The following RYR1 variants were observed in gnomAD, a reference collection of about 807,000 sequenced individuals.
The protein encoded by RYR1 is central core disease of muscle.
Under a neutral mutation model 583.5 loss-of-function variants are expected in RYR1, and 342 were observed. That is an observed-to-expected ratio of 0.59 (90% confidence interval 0.54 to 0.64). The LOEUF is 0.64. Among genes scored for constraint, RYR1 ranks in the 30% least tolerant of loss-of-function variants. The pLI is 0.00. For synonymous variants in RYR1, 2,791 were observed against 2,822.5 expected (o/e 0.99, Z 0.35); for missense variants, 6,032 against 6,917.2 (o/e 0.87, Z 4.54).
chr19:38,485,221 C>T (rs527727178), intron 33 of RYR1, among the ~76,000 whole-genome samples: 1 of 152,238 alleles, frequency 6.6e-6, no homozygotes, highest in South Asian at 2.1e-4. Flanking sequence ...TACGAAGTCC[C>T]AGACCATCCC....
intron 38 of RYR1, among the ~76,000 whole-genome samples, chr19:38,493,055 C>T (rs181813646): frequency 3.3e-3 from 495 of 151,400 alleles, no homozygotes; most frequent in African/African-American, 0.012. Flanking sequence ...GGTGACAGAG[C>T]GAGACTCTGT....
At position 38,501,092 on chromosome 19, in the gene RYR1, T is replaced by C. The variant is rs757336231; in HGVS notation, c.7614+102T>C. ...GCAGCTGCTTTTGTTTTTCTTGGGATTGTGGACATATCATAATCCCCAATA... is the reference window on the plus strand; with the variant it reads ...GCAGCTGCTTTTGTTTTTCTTGGGACTGTGGACATATCATAATCCCCAATA... On this transcript the variant is annotated intron_variant, in intron 47 of 105. Coordinates refer to ENST00000359596, the MANE Select transcript of RYR1 (RefSeq NM_000540.3). The C allele has an allele frequency of 1.6e-5, 19 of 1,160,478 alleles. No individual in the cohort carries two copies. In the Admixed American group the frequency reaches 3.8e-4, roughly 23 times the overall value. The allele number at this position is 1,160,478 out of a possible 1,614,324, so 71.9% of individuals were successfully genotyped here.
chr19:38,492,840 G>A (rs190115272), intron 38 of RYR1, among the ~76,000 whole-genome samples: 28 of 152,172 alleles, frequency 1.8e-4, no homozygotes, highest in Non-Finnish European at 2.4e-4. Context: ...AGGCTGAGGC[G>A]GGTGGATCAC....
At chr19:38,549,204 C>G (rs1040298750) in intron 89 of RYR1, among the ~76,000 whole-genome samples, 2 of 152,158 alleles carry the variant, frequency 1.3e-5, no homozygotes, top group Admixed American at 1.3e-4. Context: ...CCCACTCCTC[C>G]TCCTCTAACC....
intron 27 of RYR1, among the ~76,000 whole-genome samples, 157 bp from the exon 28 acceptor site, chr19:38,473,220 G>A (rs924018424): frequency 6.6e-6 from 1 of 152,096 alleles, no homozygotes; most frequent in Non-Finnish European, 1.5e-5. Context: ...GTACCCGGCC[G>A]GGAGCTTCAT....
chr19:38,579,486 G>A (rs1974102636), intron 99 of RYR1, among the ~76,000 whole-genome samples: 3 of 150,960 alleles, frequency 2.0e-5, no homozygotes, highest in African/African-American at 4.9e-5. Flanking sequence ...TCAGCTACTT[G>A]GCAGGCTTAG....
intron 101 of RYR1, among the ~76,000 whole-genome samples, chr19:38,582,926 C>T (rs1281729771): frequency 1.3e-5 from 2 of 152,112 alleles, no homozygotes; most frequent in African/African-American, 2.4e-5. Context: ...TGCCCACAGC[C>T]TCGTTCTCAT....
In RYR1 at chr19:38,502,515, C is replaced by G; in HGVS notation, c.7623C>G (p.Phe2541Leu). 1 of 1,598,270 alleles carries G rather than the reference C, an allele frequency of 6.3e-7. No individual in the cohort carries two copies. Among genetic ancestry groups the G allele is most frequent in the South Asian group, 1.1e-5 (1 of 90,046 alleles). Residue 2541 changes from phenylalanine (F) to leucine (L), a missense_variant, in exon 48 of 106, where the codon TTC becomes TTG. Physicochemically the swap from Phe to Leu is conservative, Grantham distance 22. Coordinates refer to ENST00000359596, the MANE Select transcript of RYR1 (RefSeq NM_000540.3). ...RAAASLDTAT[F>L]STTEMALALN... ...CTCACCCTGCGCCCTAGGCCACTTT[C>G]AGCACCACCGAGATGGCGCTGGCGC...
chr19:38,503,290 C>T (rs967018066), intron 49 of RYR1, among the ~76,000 whole-genome samples: 2 of 152,164 alleles, frequency 1.3e-5, no homozygotes, highest in Non-Finnish European at 2.9e-5. Context: ...TATTTGCATG[C>T]CTGGACCACC....
intron 83 of RYR1, chr19:38,537,067 G>T: frequency 1.9e-6 from 1 of 525,426 alleles, no homozygotes; most frequent in Non-Finnish European, 3.4e-6. Context: ...TTTCCAGCTG[G>T]ATATTGTCGG....
Position 38,566,986 on chromosome 19 carries a change from G to T in RYR1, c.13513G>T (p.Asp4505Tyr), listed in dbSNP as rs150396398. 6.3e-7 allele frequency: 1 copy of T among 1,591,136 alleles called. No homozygotes were observed. The highest frequency in any genetic ancestry group is 1.1e-5 in the South Asian group (1 of 87,600). Residue 4505 changes from aspartate to tyrosine, a missense_variant and splice_region_variant, in exon 92 of 106, where the codon GAT becomes TAT. Coordinates refer to ENST00000359596, the MANE Select transcript of RYR1 (RefSeq NM_000540.3). ...PEPELEPEKA[D>Y]AENGEKEEVP... ...ACCAGAGCTGGAGCCGGAGAAAGCC[G>T]AGTGAGTGGCCTTGGGGCTGAGGGG...
intron 72 of RYR1, 95 bp from the exon 73 acceptor site, chr19:38,527,552 C>T (rs914729447): frequency 6.7e-7 from 1 of 1,492,888 alleles, no homozygotes; most frequent in African/African-American, 1.4e-5. Flanking sequence ...AACATGCACT[C>T]ACCCATTGAG....
Position 38,570,694 on chromosome 19 carries a change from G to C in RYR1, c.13746+1G>C. On this transcript the variant is annotated splice_donor_variant, in intron 94 of 105. Coordinates refer to ENST00000359596, the MANE Select transcript of RYR1 (RefSeq NM_000540.3). LOFTEE classifies it high-confidence loss of function. ...CAACTTCATCTTGCTGTTTTATAAGGTGCTGGTCCTGAAGGGCTGGGAGGG... is the reference window on the plus strand; with the variant it reads ...CAACTTCATCTTGCTGTTTTATAAGCTGCTGGTCCTGAAGGGCTGGGAGGG... 1 of 1,613,104 alleles carries C rather than the reference G, an allele frequency of 6.2e-7. No individual in the cohort carries two copies. The highest frequency in any genetic ancestry group is 8.5e-7 in the Non-Finnish European group (1 of 1,179,186).
chr19:38,533,120 G>A (rs1480945797), intron 78 of RYR1, among the ~76,000 whole-genome samples: 3 of 152,088 alleles, frequency 2.0e-5, no homozygotes, highest in Non-Finnish European at 4.4e-5. Context: ...GCAGGAAAAT[G>A]TATCAGGGAG....
At position 38,573,168 on chromosome 19, in the gene RYR1, A is replaced by G. The variant is rs1973800323; in HGVS notation, c.13999-9A>G. The stretch of plus-strand genomic sequence containing the variant: ...TGACGCCCACCTTTGGCCTCCTCCC[A>G]CTATCCAGGTGCCCCTGGTAATCTT... On this transcript the variant is annotated splice_polypyrimidine_tract_variant and intron_variant, in intron 95 of 105. Transcript: ENST00000359596. 1 of 1,613,448 alleles carries G rather than the reference A, an allele frequency of 6.2e-7. No homozygotes were observed. The highest frequency in any genetic ancestry group is 1.7e-4 in the Middle Eastern group (1 of 6,058).
intron 31 of RYR1, among the ~76,000 whole-genome samples, chr19:38,479,227 A>G (rs1968895117): frequency 6.6e-6 from 1 of 152,216 alleles, no homozygotes; most frequent in Admixed American, 6.5e-5. Flanking sequence ...TTTCAATCAT[A>G]CAGCAAAATT....
Position 38,566,752 on chromosome 19 carries a change from G to T in RYR1, c.13438-159G>T, listed in dbSNP as rs1472881943. ...CTCGATGAGCCTCAGTTTCCCCTCT[G>T]TAAAACGGGAATCATAATCTGCCTC... On this transcript the variant is annotated intron_variant, in intron 91 of 105. Coordinates refer to ENST00000359596, the MANE Select transcript of RYR1 (RefSeq NM_000540.3). Among the ~76,000 whole-genome samples the T allele has an allele frequency of 2.0e-5, 3 of 152,304 alleles. 1 individual carries two copies. The highest frequency in any genetic ancestry group is 7.2e-5 in the African/African-American group (3 of 41,564).
intron 12 of RYR1, among the ~76,000 whole-genome samples, chr19:38,452,316 C>G (rs573520682): frequency 4.3e-4 from 65 of 152,018 alleles, no homozygotes; most frequent in African/African-American, 1.5e-3. Context: ...TGGCACGTGC[C>G]TGTAGTCCCA....
intron 38 of RYR1, 147 bp downstream of exon 38, chr19:38,492,783 G>C (rs1969615577): frequency 3.6e-6 from 3 of 835,028 alleles, no homozygotes; most frequent in Non-Finnish European, 5.5e-6. Flanking sequence ...GGCGGGCAAA[G>C]TGGAAGCAGG....
Sources: allele counts gnomAD v4.1 joint callset (sites outside exome capture counted in the v4.1 genomes callset), GRCh38; gene constraint gnomAD v4.1.1; transcripts MANE v1.5; gene names NCBI Gene and HGNC (gene_info 2026-07-23, HGNC 2026-07-21).